Variants in RIMBP2 observed in about 807,000 individuals in gnomAD.
RIMBP2 encodes RIMS binding protein 2.
In RIMBP2, 48 loss-of-function variants were observed where a neutral mutation model predicts 118.6. That is an observed-to-expected ratio of 0.40 (90% CI 0.32 to 0.51). The LOEUF (loss-of-function observed/expected upper bound fraction) is 0.51. Ranked by LOEUF, RIMBP2 falls within the 20% of genes least tolerant of loss-of-function variation. RIMBP2 has a pLI of 0.41. For missense variants in RIMBP2, 1,551 were observed against 1,768.3 expected, an observed-to-expected ratio of 0.88 and a Z score of 2.20; for synonymous variants, 762 against 742.9, an observed-to-expected ratio of 1.03 and a Z score of -0.42.
intron 2 of RIMBP2, among the ~76,000 whole-genome samples, chr12:130,607,276 G>A (rs1366610712): frequency 6.6e-6 from 1 of 152,150 alleles, no homozygotes; most frequent in Non-Finnish European, 1.5e-5. Context: ...CACAGACCCG[G>A]TCATCTGAAA....
chr12:130,438,719 C>T (rs2077747128), intron 11 of RIMBP2, among the ~76,000 whole-genome samples: 1 of 152,168 alleles, frequency 6.6e-6, no homozygotes, highest in Admixed American at 6.5e-5. Context: ...CCAGGATGCA[C>T]AGCTGCCCTT....
intron 11 of RIMBP2, among the ~76,000 whole-genome samples, chr12:130,438,772 C>A (rs1439838625): frequency 6.6e-6 from 1 of 152,128 alleles, no homozygotes; most frequent in Non-Finnish European, 1.5e-5. Context: ...CTGGGAAATG[C>A]AAACCTAAAC....
chr12:130,639,116 G>A (rs938430370), intron 1 of RIMBP2, among the ~76,000 whole-genome samples: 6 of 152,104 alleles, frequency 3.9e-5, no homozygotes, highest in Admixed American at 2.6e-4. Context: ...GGCCGGGCAC[G>A]GTGGCTCACG....
In RIMBP2 at chr12:130,710,963, C is replaced by CCAGGCA. The variant is rs1949875474; in HGVS notation, c.-352+5253_-352+5258dup. On this transcript the variant is annotated intron_variant, in intron 1 of 22. Transcript: ENST00000690449. The surrounding 1 kb of genome is among the most constrained non-coding windows in gnomAD (Gnocchi z 4.3). ...TGAGCATTAAGAAGAGGCTATCTGA[C>CCAGGCA]CAGGCACAGTGGCTCATGCCTGTAA... Among the ~76,000 whole-genome samples the CCAGGCA allele has an allele frequency of 6.6e-6, 1 of 152,200 alleles. No individual in the cohort carries two copies. The highest frequency in any genetic ancestry group is 1.5e-5 in the Non-Finnish European group (1 of 68,044).
chr12:130,644,341 C>G (rs570633835), intron 1 of RIMBP2, among the ~76,000 whole-genome samples: 1 of 152,326 alleles, frequency 6.6e-6, no homozygotes, highest in African/African-American at 2.4e-5. Context: ...AGCTCTTAAT[C>G]CATTAGGGCA....
At chr12:130,445,290 C>A in intron 9 of RIMBP2, 21 bp from the exon 10 acceptor site, 1 of 1,577,152 alleles carries the variant, frequency 6.3e-7, no homozygotes, top group Non-Finnish European at 8.7e-7. Context: ...AACACAGTTC[C>A]TTCATTAGAG....
chr12:130,543,964 T>G (rs1389772785), intron 2 of RIMBP2, among the ~76,000 whole-genome samples: 1 of 152,144 alleles, frequency 6.6e-6, no homozygotes, highest in Non-Finnish European at 1.5e-5. Flanking sequence ...ATTGTCACCG[T>G]TTTAACCTGT....
At chr12:130,697,857 G>A (rs532296941) in intron 1 of RIMBP2, among the ~76,000 whole-genome samples, 11 of 152,330 alleles carry the variant, frequency 7.2e-5, no homozygotes, top group South Asian at 2.1e-4. Flanking sequence ...AAAGAAGGGC[G>A]AGTGTTGGTG....
chr12:130,633,874 C>T (rs1044941581), intron 1 of RIMBP2: 25 of 152,488 alleles, frequency 1.6e-4, no homozygotes, highest in Non-Finnish European at 3.2e-4. Flanking sequence ...GCCCCCCTTC[C>T]GGTCCCCGTG....
At chr12:130,408,543 A>C (rs1259336922) in intron 19 of RIMBP2, among the ~76,000 whole-genome samples, 1 of 152,204 alleles carries the variant, frequency 6.6e-6, no homozygotes, top group Non-Finnish European at 1.5e-5. Context: ...AAGCATAAGA[A>C]GGGGCTGCAG....
At chr12:130,715,169 T>C (rs2136934630) in intron 1 of RIMBP2, among the ~76,000 whole-genome samples, 1 of 152,362 alleles carries the variant, frequency 6.6e-6, no homozygotes, top group Non-Finnish European at 1.5e-5. Flanking sequence ...TTTTCACCCT[T>C]GTGAGCAGAG....
chr12:130,607,819 A>G (rs1302912188), intron 2 of RIMBP2, among the ~76,000 whole-genome samples: 3 of 151,808 alleles, frequency 2.0e-5, no homozygotes, highest in Admixed American at 1.3e-4. Flanking sequence ...AGAAGCATCC[A>G]TTTTTACAGC....
chr12:130,714,446 C>G (rs1311716817), intron 1 of RIMBP2, among the ~76,000 whole-genome samples: 1 of 152,224 alleles, frequency 6.6e-6, no homozygotes, highest in African/African-American at 2.4e-5. Context: ...TGCTATGCCC[C>G]GGGGAGGGCT....
chr12:130,463,079 G>A (rs1654610549), intron 6 of RIMBP2, among the ~76,000 whole-genome samples: 1 of 152,242 alleles, frequency 6.6e-6, no homozygotes, highest in Non-Finnish European at 1.5e-5. Flanking sequence ...CTGGGGCTAA[G>A]AGCTTCCAAT....
At chr12:130,524,368 C>T (rs2052526848) in intron 2 of RIMBP2, among the ~76,000 whole-genome samples, 1 of 150,286 alleles carries the variant, frequency 6.7e-6, no homozygotes, top group South Asian at 2.1e-4. Context: ...GCCAGATTCC[C>T]GGTGGCCTCA....
At chr12:130,439,077 A>T (rs763907418) in intron 11 of RIMBP2, among the ~76,000 whole-genome samples, 7 of 152,038 alleles carry the variant, frequency 4.6e-5, no homozygotes, top group Non-Finnish European at 8.8e-5. Context: ...GCAAAACTGA[A>T]AGATGAAGAG....
At chr12:130,593,573 G>A (rs1220560698) in intron 2 of RIMBP2, among the ~76,000 whole-genome samples, 1 of 152,258 alleles carries the variant, frequency 6.6e-6, no homozygotes, top group Non-Finnish European at 1.5e-5. Flanking sequence ...TGGGTGCTCC[G>A]TGGGCTGGAT....
intron 2 of RIMBP2, among the ~76,000 whole-genome samples, chr12:130,561,543 C>T (rs1256497964): frequency 6.6e-6 from 1 of 152,062 alleles, no homozygotes; most frequent in Non-Finnish European, 1.5e-5. Context: ...ATTCAGAGAA[C>T]CCTGGGTAGA....
At chr12:130,599,886 C>A (rs779106142) in intron 2 of RIMBP2, among the ~76,000 whole-genome samples, 6 of 152,212 alleles carry the variant, frequency 3.9e-5, no homozygotes, top group Non-Finnish European at 8.8e-5. Context: ...AAGCTGGGCA[C>A]TGCTGAGGGT....
Sources: gnomAD v4.1 joint callset for allele counts (sites outside exome capture counted in the v4.1 genomes callset) on GRCh38, gnomAD v4.1.1 for gene constraint, Gnocchi (gnomAD v3.1) non-coding constraint, MANE v1.5 for transcripts, NCBI Gene and HGNC (gene_info 2026-07-23, HGNC 2026-07-21) for gene names.